Variants in HNF4G observed in about 807,000 individuals in gnomAD.
HNF4G encodes hepatocyte nuclear factor 4 gamma, also known as hepatocyte nuclear factor 4-gamma.
Under a neutral mutation model 50.9 loss-of-function variants are expected in HNF4G, and 21 were observed. That is an observed-to-expected ratio of 0.41 (90% CI 0.29 to 0.59). HNF4G has a LOEUF of 0.59. Among genes scored for constraint, HNF4G ranks in the 20% least tolerant of loss-of-function variants. The pLI, the probability that HNF4G is intolerant of heterozygous loss-of-function variation, is 0.26. For missense variants in HNF4G, 527 were observed against 559.4 expected (o/e 0.94, Z 0.58); for synonymous variants, 198 against 185.6 (o/e 1.07, Z -0.54).
chr8:75,551,285 CTT>C, intron 3 of HNF4G, 101 bp from the exon 4 acceptor site: 1 of 623,144 alleles, frequency 1.6e-6, no homozygotes, highest in Non-Finnish European at 2.8e-6. Flanking sequence ...TTTAGAAAGA[CTT>C]TTTCTCACTT....
At chr8:75,500,436 A>G (rs970851469) in intron 2 of HNF4G, among the ~76,000 whole-genome samples, 2 of 152,152 alleles carry the variant, frequency 1.3e-5, no homozygotes, top group African/African-American at 2.4e-5. Context: ...AAAATGGCCA[A>G]CTGCTCTGGG....
rs1369190347 is a variant in HNF4G at position 75,556,143 on chromosome 8, T to C, written c.733+74T>C. The C allele has an allele frequency of 1.2e-5, 8 of 686,872 alleles. No homozygotes were observed. In the East Asian group the frequency reaches 2.0e-4, roughly 17 times the overall value. 42.5% of individuals were successfully genotyped at this position (686,872 alleles called of 1,614,324 possible). A position where few individuals can be genotyped will look rare whatever the true frequency, so the allele number is the denominator to read the frequency against. On this transcript the variant is annotated intron_variant, in intron 6 of 9. Transcript: ENST00000396423. The stretch of plus-strand genomic sequence containing the variant: ...TTGCAATATTATACAGGGTCTGTTC[T>C]GTATGTACCAAGTATTTACAGACAC...
At chr8:75,532,832 C>G (rs780635417) in intron 2 of HNF4G, among the ~76,000 whole-genome samples, 6 of 152,144 alleles carry the variant, frequency 3.9e-5, no homozygotes, top group Non-Finnish European at 8.8e-5. Flanking sequence ...TAGCTGCAAA[C>G]CAATAAATTT....
intron 2 of HNF4G, among the ~76,000 whole-genome samples, chr8:75,509,154 C>A (rs1351486276): frequency 2.6e-5 from 4 of 152,130 alleles, no homozygotes; most frequent in African/African-American, 9.7e-5. Flanking sequence ...TTGGCTGGAG[C>A]AAGCTGAGAT....
Position 75,511,567 on chromosome 8 carries a change from C to T in HNF4G, c.-24+21359C>T, listed in dbSNP as rs575436645. On this transcript the variant is annotated intron_variant, in intron 2 of 10. Coordinates refer to the HNF4G transcript ENST00000354370. ...CATCCATGAGTATGGTATATGTCTGCGTGTATTTAGCGTGACTTTATTTTT... is the reference window on the plus strand; with the variant it reads ...CATCCATGAGTATGGTATATGTCTGTGTGTATTTAGCGTGACTTTATTTTT... Among the ~76,000 whole-genome samples, 6 of 152,172 alleles carry T rather than the reference C, an allele frequency of 3.9e-5. No individual in the cohort carries two copies. The East Asian group carries it at 7.7e-4, about 20-fold the overall frequency.
chr8:75,544,562 T>G (rs1441799630), intron 2 of HNF4G, among the ~76,000 whole-genome samples: 1 of 152,056 alleles, frequency 6.6e-6, no homozygotes, highest in East Asian at 1.9e-4. Context: ...TCATGCCATA[T>G]TTTTTGTCAT....
chr8:75,440,445 T>C (rs1003101604), intron 1 of HNF4G, among the ~76,000 whole-genome samples: 2 of 152,232 alleles, frequency 1.3e-5, no homozygotes, highest in African/African-American at 4.8e-5. Flanking sequence ...CAACACCAAC[T>C]GCTTTTTAAA....
chr8:75,465,692 A>T (rs903107364), intron 1 of HNF4G, among the ~76,000 whole-genome samples: 1 of 152,138 alleles, frequency 6.6e-6, no homozygotes, highest in African/African-American at 2.4e-5. Flanking sequence ...TTTAGGAAGT[A>T]CAACTAGTAG....
At chr8:75,449,589 C>T (rs1402045826) in intron 1 of HNF4G, among the ~76,000 whole-genome samples, 1 of 147,042 alleles carries the variant, frequency 6.8e-6, no homozygotes, top group Non-Finnish European at 1.5e-5. Flanking sequence ...TCACTGCAAG[C>T]TCCGCCTCCA....
chr8:75,426,756 T>A (rs963677594), intron 1 of HNF4G, among the ~76,000 whole-genome samples: 1 of 152,156 alleles, frequency 6.6e-6, no homozygotes, highest in Admixed American at 6.5e-5. Flanking sequence ...GGTTGTTTAG[T>A]GAAAAGAATA....
chr8:75,413,258 T>C (rs542413322), intron 1 of HNF4G, among the ~76,000 whole-genome samples: 1 of 126,842 alleles, frequency 7.9e-6, no homozygotes, highest in Non-Finnish European at 1.7e-5. Context: ...TTTTGGAAAA[T>C]GGGTTAAAGA....
At chr8:75,534,371 A>G (rs1806407410) in intron 2 of HNF4G, among the ~76,000 whole-genome samples, 1 of 151,812 alleles carries the variant, frequency 6.6e-6, no homozygotes, top group Admixed American at 6.6e-5. Context: ...AAGGCAGCTG[A>G]CCTTGAAGGT....
At chr8:75,542,963 A>G (rs1489662369) in intron 1 of HNF4G, among the ~76,000 whole-genome samples, 1 of 152,018 alleles carries the variant, frequency 6.6e-6, no homozygotes, top group African/African-American at 2.4e-5. Context: ...AGGTGGGCAG[A>G]CCGCCTGCTG....
At chr8:75,439,937 C>A (rs1811237342) in intron 1 of HNF4G, among the ~76,000 whole-genome samples, 1 of 151,710 alleles carries the variant, frequency 6.6e-6, no homozygotes, top group Admixed American at 6.6e-5. Flanking sequence ...CATGAAAGCT[C>A]CTTAAATTTT....
At chr8:75,412,185 T>C (rs939615673) in intron 1 of HNF4G, among the ~76,000 whole-genome samples, 3 of 152,184 alleles carry the variant, frequency 2.0e-5, no homozygotes, top group Non-Finnish European at 2.9e-5. Context: ...AAAGAGAGTC[T>C]CTAATTTCTT....
chr8:75,409,879 AAAGAGCC>A (rs1428147555), intron 1 of HNF4G, among the ~76,000 whole-genome samples: 1 of 152,172 alleles, frequency 6.6e-6, no homozygotes, highest in Non-Finnish European at 1.5e-5. Flanking sequence ...TAAAATAGAA[AAAGAGCC>A]CCCTCCCCAT....
intron 1 of HNF4G, among the ~76,000 whole-genome samples, chr8:75,479,053 G>T (rs1812310751): frequency 2.0e-5 from 3 of 152,114 alleles, no homozygotes; most frequent in Admixed American, 2.0e-4. Flanking sequence ...ATATGAAAGG[G>T]CTTGAAAAAT....
Position 75,436,576 on chromosome 8 carries a change from T to C in HNF4G, c.-144+28414T>C, listed in dbSNP as rs142567263. Among the ~76,000 whole-genome samples, 749 of 152,178 alleles carry C rather than the reference T, an allele frequency of 4.9e-3. 4 individuals are homozygous for C. The highest frequency in any genetic ancestry group is 0.018 in the African/African-American group (729 of 41,524). On this transcript the variant is annotated intron_variant, in intron 1 of 10. Transcript: ENST00000354370. ...ATATTGGGAAAACTGGTAGTTAATA[T>C]AGAAAAGATGAAACTGGATCCCACC...
rs367786711 is a variant in HNF4G at position 75,555,965 on chromosome 8, G to T, written c.646-17G>T. On this transcript the variant is annotated splice_polypyrimidine_tract_variant and intron_variant, in intron 5 of 9. Coordinates refer to ENST00000396423, the MANE Select transcript of HNF4G (RefSeq NM_004133.5). ...ATATATTATAATTAATTGTTAAACTGAGAATTTTTCATTAAGGTGGCACTG... is the reference window on the plus strand; with the variant it reads ...ATATATTATAATTAATTGTTAAACTTAGAATTTTTCATTAAGGTGGCACTG... 3.6e-6 allele frequency: 5 copies of T among 1,407,818 alleles called. No individual in the cohort carries two copies. In the South Asian group the frequency reaches 5.8e-5, roughly 16 times the overall value. The allele number at this position is 1,407,818 out of a possible 1,614,324, so 87.2% of individuals were successfully genotyped here.
Sources: allele counts gnomAD v4.1 joint callset (sites outside exome capture counted in the v4.1 genomes callset), GRCh38; gene constraint gnomAD v4.1.1; transcripts MANE v1.5; gene names NCBI Gene and HGNC (gene_info 2026-07-23, HGNC 2026-07-21).